Variants in TSHR observed in about 807,000 individuals in gnomAD.
The protein encoded by TSHR is thyrotropin receptor.
Under a neutral mutation model 64.1 loss-of-function variants are expected in TSHR, and 51 were observed. That is an observed-to-expected ratio of 0.80 (90% confidence interval 0.64 to 1.01). TSHR has a LOEUF of 1.01. Among genes scored for constraint, TSHR ranks in the 50% least tolerant of loss-of-function variants. The pLI is 0.00. For synonymous variants in TSHR, 361 were observed against 361.9 expected (o/e 1.00, Z 0.03); for missense variants, 877 against 942.8 (o/e 0.93, Z 0.91).
At chr14:81,019,855 A>G (rs912169600) in intron 1 of TSHR, among the ~76,000 whole-genome samples, 1 of 152,140 alleles carries the variant, frequency 6.6e-6, no homozygotes, top group Non-Finnish European at 1.5e-5. Context: ...TATTCAGTCT[A>G]TCATTGATGG....
intron 1 of TSHR, chr14:81,013,470 G>T (rs1273185168): frequency 2.0e-5 from 3 of 152,084 alleles, no homozygotes; most frequent in African/African-American, 7.2e-5. Context: ...ATATAAGTAG[G>T]TTTTTTCTCC....
chr14:81,123,607 C>T (rs1332529378), intron 8 of TSHR, among the ~76,000 whole-genome samples: 8 of 152,110 alleles, frequency 5.3e-5, no homozygotes, highest in Admixed American at 4.6e-4. Flanking sequence ...AATCAGATGC[C>T]ATATATATTT....
chr14:81,143,275 A>T lies in TSHR; in HGVS notation c.1217A>T (p.Asn406Ile), dbSNP rs1891778465. The change falls in exon 10 of 10, where the codon AAC (asparagine) becomes ATC (isoleucine). Residue 406 changes from asparagine to isoleucine, a missense_variant. Coordinates refer to ENST00000298171, the MANE Select transcript of TSHR (RefSeq NM_000369.5). ...MVCTPKSDEF[N>I]PCEDIMGYKF... ...TGTACCCCCAAGTCCGATGAGTTCA[A>T]CCCGTGTGAAGACATAATGGGCTAC... 6.2e-7 allele frequency: 1 copy of T among 1,614,012 alleles called. No individual in the cohort carries two copies. The highest frequency in any genetic ancestry group is 8.5e-7 in the Non-Finnish European group (1 of 1,180,032).
intron 7 of TSHR, among the ~76,000 whole-genome samples, chr14:81,102,239 A>G (rs942923377): frequency 2.6e-5 from 4 of 151,904 alleles, no homozygotes; most frequent in East Asian, 1.9e-4. Context: ...TCTGCTGTAT[A>G]TATAGAGACT....
In TSHR at chr14:81,052,843, G is replaced by T. The variant is rs528104678; in HGVS notation, c.171-9305G>T. ...CTTAATTTTTTTCAGATAGTTCATTGTTACCATATAGAAACACTATTAAAT... is the reference window on the plus strand; with the variant it reads ...CTTAATTTTTTTCAGATAGTTCATTTTTACCATATAGAAACACTATTAAAT... On this transcript the variant is annotated intron_variant, in intron 1 of 9. Coordinates refer to ENST00000298171, the MANE Select transcript of TSHR (RefSeq NM_000369.5). The T allele has an allele frequency of 2.0e-5, 3 of 151,824 alleles. 1 individual carries two copies. In the South Asian group the frequency reaches 6.2e-4, roughly 32 times the overall value. The allele number at this position is 151,824 out of a possible 1,614,324, so 9.4% of individuals were successfully genotyped here.
intron 8 of TSHR, among the ~76,000 whole-genome samples, chr14:81,123,498 T>C (rs1353503269): frequency 6.6e-6 from 1 of 152,220 alleles, no homozygotes; most frequent in Non-Finnish European, 1.5e-5. Context: ...CAATAAATAT[T>C]GGATGAATTG....
intron 1 of TSHR, among the ~76,000 whole-genome samples, chr14:80,986,654 T>C (rs1432969728): frequency 6.6e-6 from 1 of 152,112 alleles, no homozygotes; most frequent in African/African-American, 2.4e-5. Flanking sequence ...TTCCTGCTAA[T>C]TTTTGTATTT....
intron 1 of TSHR, among the ~76,000 whole-genome samples, chr14:80,979,518 T>G (rs72693069): frequency 0.27 from 41,544 of 152,124 alleles, 6,586 homozygotes; most frequent in South Asian, 0.39. Flanking sequence ...GAAGAGATGA[T>G]GTTGAATGTT....
intron 1 of TSHR, among the ~76,000 whole-genome samples, chr14:81,029,364 T>C (rs746032236): frequency 7.3e-4 from 111 of 152,236 alleles, no homozygotes; most frequent in Admixed American, 2.6e-3. Flanking sequence ...TAGCTTCTCA[T>C]ATATTTCATA....
At chr14:80,986,632 G>A (rs576050657) in intron 1 of TSHR, among the ~76,000 whole-genome samples, 9 of 151,962 alleles carry the variant, frequency 5.9e-5, no homozygotes, top group African/African-American at 1.7e-4. Context: ...GATTACAGGC[G>A]CCCACCACCA....
Position 81,041,024 on chromosome 14 carries a change from T to A in TSHR, c.171-21124T>A, listed in dbSNP as rs533394460. 8.5e-5 allele frequency among the ~76,000 whole-genome samples: 13 copies of A among 152,124 alleles called. No homozygotes were observed. In the South Asian group the frequency reaches 1.2e-3, roughly 15 times the overall value. ...AAAGTAAAAAAATAACAGATGCTGG[T>A]GAGGTTGTAGAGAAAAAGGAATGCT... On this transcript the variant is annotated intron_variant, in intron 1 of 9. Transcript: ENST00000298171.
intron 1 of TSHR, among the ~76,000 whole-genome samples, chr14:81,014,871 C>T (rs940042076): frequency 3.3e-5 from 5 of 152,158 alleles, no homozygotes; most frequent in South Asian, 2.1e-4. Context: ...AGAAACTTCA[C>T]GAGTGTCCAG....
In TSHR at chr14:81,016,075, G is replaced by T. The variant is rs370244831; in HGVS notation, c.171-46073G>T. The stretch of plus-strand genomic sequence containing the variant: ...AATCTTGACTATTGTGAATAATGCT[G>T]CAATGAACATGGGAATGCAGATATC... On this transcript the variant is annotated intron_variant, in intron 1 of 9. Transcript: ENST00000298171. Among the ~76,000 whole-genome samples the T allele has an allele frequency of 5.9e-5, 9 of 152,278 alleles. 1 individual carries two copies. Among genetic ancestry groups the T allele is most frequent in the African/African-American group, 1.9e-4 (8 of 41,556 alleles).
chr14:81,052,974 G>C (rs769640597), intron 1 of TSHR: 14 of 152,008 alleles, frequency 9.2e-5, no homozygotes, highest in Non-Finnish European at 2.1e-4. Context: ...GATTTGTACT[G>C]TACTGTAAAG....
intron 1 of TSHR, chr14:81,033,101 C>T (rs1448238210): frequency 5.6e-6 from 2 of 355,284 alleles, no homozygotes; most frequent in African/African-American, 4.4e-5. Flanking sequence ...ATTACTCAAG[C>T]TGGAAATGCT....
chr14:81,002,202 T>A (rs1889359577), intron 1 of TSHR, among the ~76,000 whole-genome samples: 1 of 152,136 alleles, frequency 6.6e-6, no homozygotes, highest in South Asian at 2.1e-4. Flanking sequence ...AATCTGAAAA[T>A]TTTTGAATTC....
intron 9 of TSHR, among the ~76,000 whole-genome samples, chr14:81,140,441 C>T (rs142297028): frequency 1.3e-5 from 2 of 152,252 alleles, no homozygotes; most frequent in South Asian, 2.1e-4. Context: ...TACTAACATT[C>T]ATAGCAGTTT....
intron 1 of TSHR, among the ~76,000 whole-genome samples, chr14:81,039,586 C>G (rs1324694465): frequency 4.6e-5 from 7 of 151,606 alleles, no homozygotes; most frequent in Admixed American, 2.0e-4. Context: ...AAGACTCCAC[C>G]ATAAAACTAT....
chr14:81,065,011 C>T (rs1371090573), intron 2 of TSHR, among the ~76,000 whole-genome samples: 2 of 152,016 alleles, frequency 1.3e-5, no homozygotes, highest in Admixed American at 6.6e-5. Context: ...GTCACATGGC[C>T]ATAAAAGATT....
Sources: gnomAD v4.1 joint callset for allele counts (sites outside exome capture counted in the v4.1 genomes callset) on GRCh38, gnomAD v4.1.1 for gene constraint, MANE v1.5 for transcripts, NCBI Gene and HGNC (gene_info 2026-07-23, HGNC 2026-07-21) for gene names.